The following STK17B variants were observed in gnomAD, a reference collection of about 807,000 sequenced individuals.
The protein encoded by STK17B is serine/threonine kinase 17b.
Under a neutral mutation model 42.0 loss-of-function variants are expected in STK17B, and 21 were observed. The ratio of observed to expected loss-of-function variants is 0.50; its 90% confidence interval spans 0.35 to 0.72. The LOEUF (loss-of-function observed/expected upper bound fraction) is 0.72, where lower values mean the gene tolerates loss of function less well. STK17B is among the 30% of genes least tolerant of loss of function. The pLI is 0.00. For synonymous variants in STK17B, 143 were observed against 148.4 expected (o/e 0.96, Z 0.26); for missense variants, 349 against 446.0 (o/e 0.78, Z 1.96).
At chr2:196,155,324 G>A (rs909281707) in intron 3 of STK17B, among the ~76,000 whole-genome samples, 1 of 152,050 alleles carries the variant, frequency 6.6e-6, no homozygotes, top group African/African-American at 2.4e-5. Context: ...TATATAACAC[G>A]CCTTAAGACG....
At chr2:196,159,702 G>A (rs1699787373) in intron 2 of STK17B, among the ~76,000 whole-genome samples, 1 of 152,102 alleles carries the variant, frequency 6.6e-6, no homozygotes, top group Admixed American at 6.5e-5. Context: ...ATTTGTCAAC[G>A]TTCACCACTA....
At chr2:196,144,488 A>G (rs1298854663) in intron 4 of STK17B, among the ~76,000 whole-genome samples, 4 of 1,360 alleles carry the variant, frequency 2.9e-3, no homozygotes, top group Non-Finnish European at 0.011. Flanking sequence ...CTCTGTCTCA[A>G]AAAAAAAAAA....
At chr2:196,164,233 C>T (rs1046196535) in intron 1 of STK17B, among the ~76,000 whole-genome samples, 6 of 152,070 alleles carry the variant, frequency 3.9e-5, no homozygotes, top group Non-Finnish European at 7.4e-5. Flanking sequence ...ACTTCTTCCA[C>T]GGATTGGCTA....
chr2:196,163,474 G>A, intron 1 of STK17B, 47 bp from the exon 2 acceptor site: 1 of 1,423,912 alleles, frequency 7.0e-7, no homozygotes. Flanking sequence ...TCTCAGGCAG[G>A]ATGTGCATTA....
chr2:196,161,309 A>C lies in STK17B; in HGVS notation c.122+1953T>G, dbSNP rs553540491. On this transcript the variant is annotated intron_variant, in intron 2 of 7. Coordinates refer to ENST00000263955, the MANE Select transcript of STK17B (RefSeq NM_004226.4). ...AGAAAAAGAAAAAAAGAAAAAAAAA[A>C]CCTTTCTTCCTATTATAATGCAAAA... 6.4e-4 allele frequency among the ~76,000 whole-genome samples: 97 copies of C among 151,350 alleles called. 2 individuals carry two copies. The highest frequency in any genetic ancestry group is 2.3e-3 in the African/African-American group (94 of 41,068).
At chr2:196,155,518 A>G (rs928265663) in intron 3 of STK17B, among the ~76,000 whole-genome samples, 6 of 152,228 alleles carry the variant, frequency 3.9e-5, no homozygotes, top group African/African-American at 1.4e-4. Flanking sequence ...TAAAAAGGCA[A>G]TGATGCAAGT....
chr2:196,166,954 G>C (rs1028299986), intron 1 of STK17B, among the ~76,000 whole-genome samples: 2 of 152,168 alleles, frequency 1.3e-5, no homozygotes, highest in African/African-American at 4.8e-5. Context: ...GTATCTACAA[G>C]CTTTCAAGTA....
At chr2:196,138,989 C>T (rs150265965) in intron 7 of STK17B, among the ~76,000 whole-genome samples, 7,096 of 151,700 alleles carry the variant, frequency 0.047, 392 homozygotes, top group African/African-American at 0.13. Flanking sequence ...TTTTTTGAGA[C>T]GGAGTCTTGC....
At chr2:196,174,124 G>A (rs894826851), upstream of STK17B, 1 of 152,192 alleles carries the variant, frequency 6.6e-6, no homozygotes, top group African/African-American at 2.4e-5. Flanking sequence ...TGTTGTTTAA[G>A]CTGTCCGCTC....
chr2:196,158,136 A>G (rs1699762764), intron 2 of STK17B, among the ~76,000 whole-genome samples: 1 of 152,180 alleles, frequency 6.6e-6, no homozygotes, highest in South Asian at 2.1e-4. Flanking sequence ...TCTTGCCTCA[A>G]TTCCCTTCAA....
intron 3 of STK17B, chr2:196,153,994 T>C (rs1362762219): frequency 6.6e-6 from 1 of 152,106 alleles, no homozygotes; most frequent in Non-Finnish European, 1.5e-5. Flanking sequence ...TCCCAGCACT[T>C]TGGGAGGCCG....
At chr2:196,138,123 A>G (rs1055435784) in intron 7 of STK17B, among the ~76,000 whole-genome samples, 1 of 152,214 alleles carries the variant, frequency 6.6e-6, no homozygotes, top group African/African-American at 2.4e-5. Context: ...GCATTACACC[A>G]TATTATCTCT....
chr2:196,164,038 C>CAACAAATAAATAAATAAATA (rs1699846036), intron 1 of STK17B, among the ~76,000 whole-genome samples: 1 of 146,092 alleles, frequency 6.8e-6, no homozygotes, highest in Non-Finnish European at 1.5e-5. Context: ...GATCTTATCT[C>CAACAAATAAATAAATAAATA]AATAAATAAA....
upstream of STK17B, among the ~76,000 whole-genome samples, chr2:196,172,637 A>G (rs563590239): frequency 6.4e-4 from 98 of 152,318 alleles, no homozygotes; most frequent in African/African-American, 2.3e-3. Flanking sequence ...TTTCCCCAAG[A>G]TAAAGGTATA....
In STK17B at chr2:196,171,333, CG is replaced by C. The variant is rs1699940137; in HGVS notation, c.-46del. On this transcript the variant is annotated splice_region_variant and 5_prime_UTR_variant, in exon 1 of 8. Transcript: ENST00000263955. ...CCCGCCAATCCCGCAGGACACTAAC[CG>C]CTCCGGCCGCCGCAGGTTCTCCCGG... 1 of 152,896 alleles carries C rather than the reference CG, an allele frequency of 6.5e-6. No individual in the cohort carries two copies. Among genetic ancestry groups the C allele is most frequent in the African/African-American group, 2.4e-5 (1 of 41,558 alleles). The allele number at this position is 152,896 out of a possible 1,614,324, so 9.5% of individuals were successfully genotyped here.
At chr2:196,156,015 T>G in intron 3 of STK17B, 1 of 156,456 alleles carries the variant, frequency 6.4e-6, no homozygotes, top group Admixed American at 6.3e-5. Context: ...TTGAAGGTAT[T>G]TTTCAAATAG....
chr2:196,143,024 C>G (rs1559408951), intron 5 of STK17B, among the ~76,000 whole-genome samples: 1 of 152,192 alleles, frequency 6.6e-6, no homozygotes, highest in Non-Finnish European at 1.5e-5. Flanking sequence ...TGGCACTCTT[C>G]TTCAAAACCC....
chr2:196,158,328 T>C (rs1316717871), intron 2 of STK17B, among the ~76,000 whole-genome samples: 1 of 152,184 alleles, frequency 6.6e-6, no homozygotes, highest in Non-Finnish European at 1.5e-5. Context: ...TTGATGTCAG[T>C]GGAAAGTACT....
intron 2 of STK17B, among the ~76,000 whole-genome samples, chr2:196,160,534 G>C (rs1014615369): frequency 3.3e-5 from 5 of 152,168 alleles, no homozygotes; most frequent in African/African-American, 4.8e-5. Context: ...CTTTCAAAAT[G>C]TGCAAACCTC....
Sources: gnomAD v4.1 joint callset for allele counts (sites outside exome capture counted in the v4.1 genomes callset) on GRCh38, gnomAD v4.1.1 for gene constraint, MANE v1.5 for transcripts, NCBI Gene and HGNC (gene_info 2026-07-23, HGNC 2026-07-21) for gene names.